Variants in SRGAP1 observed in about 807,000 individuals in gnomAD.
The protein encoded by SRGAP1 is SLIT-ROBO Rho GTPase-activating protein 1.
A neutral mutation model predicts 121.9 loss-of-function variants in SRGAP1; 43 were observed. The ratio of observed to expected loss-of-function variants is 0.35; its 90% confidence interval spans 0.28 to 0.46. The LOEUF (loss-of-function observed/expected upper bound fraction) is 0.46, where lower values mean the gene tolerates loss of function less well. SRGAP1 is among the 20% of genes least tolerant of loss of function. SRGAP1 has a pLI of 1.00. For missense variants in SRGAP1, 1,102 were observed against 1,350.9 expected (o/e 0.82, Z 2.89); for synonymous variants, 447 against 485.4 (o/e 0.92, Z 1.04).
At chr12:64,033,673 A>T (rs1332907204) in intron 4 of SRGAP1, among the ~76,000 whole-genome samples, 1 of 151,898 alleles carries the variant, frequency 6.6e-6, no homozygotes, top group Non-Finnish European at 1.5e-5. Flanking sequence ...AGCCGAGCTC[A>T]TGACATTACA....
intron 1 of SRGAP1, among the ~76,000 whole-genome samples, chr12:63,850,183 C>A (rs540585208): frequency 1.3e-5 from 2 of 152,218 alleles, no homozygotes; most frequent in East Asian, 3.9e-4. Flanking sequence ...GCAACAAGGC[C>A]TTTACAGTGC....
chr12:64,054,865 C>T (rs2035309650), intron 6 of SRGAP1, among the ~76,000 whole-genome samples: 1 of 149,484 alleles, frequency 6.7e-6, no homozygotes, highest in Non-Finnish European at 1.5e-5. Flanking sequence ...TTAGGTATAT[C>T]TCCCAATGCT....
chr12:63,907,119 G>A (rs1413626551), intron 1 of SRGAP1, among the ~76,000 whole-genome samples: 1 of 152,182 alleles, frequency 6.6e-6, no homozygotes, highest in Admixed American at 6.5e-5. Flanking sequence ...AATGTGATAT[G>A]ATATCTCATT....
At chr12:64,134,055 T>G (rs2036823691) in intron 21 of SRGAP1, among the ~76,000 whole-genome samples, 1 of 152,100 alleles carries the variant, frequency 6.6e-6, no homozygotes, top group African/African-American at 2.4e-5. Context: ...TATTTAAATT[T>G]TGTAGTTGAG....
intron 1 of SRGAP1, among the ~76,000 whole-genome samples, chr12:63,947,469 AT>A: frequency 6.6e-6 from 1 of 152,240 alleles, no homozygotes; most frequent in Middle Eastern, 3.4e-3. Flanking sequence ...TTTTGAGTTA[AT>A]TTTGGTTTAT....
intron 21 of SRGAP1, among the ~76,000 whole-genome samples, chr12:64,132,708 T>G (rs904741423): frequency 2.6e-5 from 4 of 152,232 alleles, no homozygotes; most frequent in African/African-American, 9.6e-5. Flanking sequence ...TGTTTGCTAC[T>G]TCTTGCTCAC....
intron 1 of SRGAP1, among the ~76,000 whole-genome samples, chr12:63,897,470 G>A (rs928050295): frequency 2.0e-5 from 3 of 152,058 alleles, no homozygotes; most frequent in Admixed American, 1.3e-4. Flanking sequence ...TGGCACAAAG[G>A]GATATTTTCA....
Position 64,133,911 on chromosome 12 carries a change from T to C in SRGAP1, c.2880+5711T>C, listed in dbSNP as rs528261517. ...TTCTACACGAGTCAGACTATTCTGC[T>C]TGCTGCTTTGCCTCTGCTGTGCATT... On this transcript the variant is annotated intron_variant, in intron 21 of 21. Transcript: ENST00000355086. Among the ~76,000 whole-genome samples, 5 of 152,248 alleles carry C rather than the reference T, an allele frequency of 3.3e-5. No individual in the cohort carries two copies. The South Asian group carries it at 8.3e-4, about 25-fold the overall frequency.
At chr12:63,897,048 C>A (rs1464319266) in intron 1 of SRGAP1, among the ~76,000 whole-genome samples, 1 of 152,158 alleles carries the variant, frequency 6.6e-6, no homozygotes, top group Non-Finnish European at 1.5e-5. Context: ...AGAATGACAA[C>A]AACAGGGGCA....
chr12:63,965,464 G>A (rs1374481494), intron 1 of SRGAP1, among the ~76,000 whole-genome samples: 2 of 152,026 alleles, frequency 1.3e-5, no homozygotes, highest in Admixed American at 6.5e-5. Context: ...GTCTACTTTT[G>A]TAGGAATAAA....
intron 6 of SRGAP1, among the ~76,000 whole-genome samples, chr12:64,050,511 A>T (rs1565657200): frequency 6.6e-6 from 1 of 152,170 alleles, no homozygotes. Flanking sequence ...TTTTACAAAG[A>T]GCATTCTAAC....
Position 64,145,887 on chromosome 12 carries a change from T to C in SRGAP1, c.*3215T>C, listed in dbSNP as rs1034143700. On this transcript the variant is annotated 3_prime_UTR_variant, in exon 22 of 22. Coordinates refer to ENST00000355086, the MANE Select transcript of SRGAP1 (RefSeq NM_020762.4). ...AGCTTATCAGGCTTCATGTGCAATT[T>C]GGGGAGGGGAGCTTTTTGATGGTGG... 7 of 152,084 alleles carry C rather than the reference T, an allele frequency of 4.6e-5. No homozygotes were observed. Among genetic ancestry groups the C allele is most frequent in the African/African-American group, 1.7e-4 (7 of 41,396 alleles). 9.4% of individuals were successfully genotyped at this position (152,084 alleles called of 1,614,324 possible).
intron 1 of SRGAP1, chr12:63,887,861 CTCT>C (rs1255140157): frequency 6.6e-6 from 1 of 152,226 alleles, no homozygotes; most frequent in African/African-American, 2.4e-5. Flanking sequence ...CAGAACTTTC[CTCT>C]TCTTGTTCCA....
At chr12:63,992,113 T>A (rs971883156) in intron 3 of SRGAP1, among the ~76,000 whole-genome samples, 39 of 152,134 alleles carry the variant, frequency 2.6e-4, no homozygotes, top group African/African-American at 8.7e-4. Flanking sequence ...GGAAAGAGTT[T>A]GATATGATTG....
chr12:64,108,720 C>T (rs542270085), intron 15 of SRGAP1: 37 of 367,922 alleles, frequency 1.0e-4, no homozygotes, highest in South Asian at 2.9e-4. Flanking sequence ...CCATGAAAAT[C>T]GGAGAAAACG....
At chr12:63,896,225 A>G (rs542259649) in intron 1 of SRGAP1, among the ~76,000 whole-genome samples, 10 of 152,294 alleles carry the variant, frequency 6.6e-5, no homozygotes, top group Admixed American at 2.0e-4. Flanking sequence ...AGAACTTAGT[A>G]AGTTCCTTAT....
In SRGAP1 at chr12:64,152,497, A is replaced by AGTGATTTGCTATTT. The variant is rs2037129360; in HGVS notation, c.*9825_*9826insGTGATTTGCTATTT. On this transcript the variant is annotated 3_prime_UTR_variant, in exon 22 of 22. Transcript: ENST00000355086. ...TTCAAGCCTAATGCATCACTAACTA[A>AGTGATTTGCTATTT]ATAGCAAATCGGCGGAACTGAAATG... 3 of 152,184 alleles carry AGTGATTTGCTATTT rather than the reference A, an allele frequency of 2.0e-5. No homozygotes were observed. The highest frequency in any genetic ancestry group is 6.5e-5 in the Admixed American group (1 of 15,286). The allele number at this position is 152,184 out of a possible 1,614,324, so 9.4% of individuals were successfully genotyped here.
intron 1 of SRGAP1, among the ~76,000 whole-genome samples, chr12:63,936,355 T>C (rs193142362): frequency 6.6e-6 from 1 of 152,308 alleles, no homozygotes; most frequent in East Asian, 1.9e-4. Context: ...CCTTTCTATA[T>C]TGGAAGAGCC....
chr12:63,966,438 T>G (rs886848002), intron 1 of SRGAP1, among the ~76,000 whole-genome samples: 2 of 152,088 alleles, frequency 1.3e-5, no homozygotes, highest in African/African-American at 4.8e-5. Flanking sequence ...AAAAAGAAAA[T>G]CCTCATTATG....
Sources: gnomAD v4.1 joint callset for allele counts (sites outside exome capture counted in the v4.1 genomes callset) on GRCh38, gnomAD v4.1.1 for gene constraint, MANE v1.5 for transcripts, NCBI Gene and HGNC (gene_info 2026-07-23, HGNC 2026-07-21) for gene names.